The following ARHGAP28 variants were observed in gnomAD, a reference collection of about 807,000 sequenced individuals.
ARHGAP28 encodes Rho GTPase activating protein 28.
ARHGAP28 carries 56 observed loss-of-function variants against 90.7 expected under a neutral mutation model. That is an observed-to-expected ratio of 0.62 (90% CI 0.50 to 0.77). The LOEUF (loss-of-function observed/expected upper bound fraction) is 0.77. Among genes scored for constraint, ARHGAP28 ranks in the 30% least tolerant of loss-of-function variants. The pLI, the probability that ARHGAP28 is intolerant of heterozygous loss-of-function variation, is 0.00. For missense variants in ARHGAP28, 869 were observed against 900.9 expected (o/e 0.96, Z 0.45); for synonymous variants, 308 against 323.3 (o/e 0.95, Z 0.51).
In ARHGAP28 at chr18:6,780,977, A is replaced by G. The variant is rs184350370; in HGVS notation, c.123-43785A>G. ...GAATGTAATTTTCTTTATTTCTGGT[A>G]ATAAAATTTATATTCTAACTCTGAG... On this transcript the variant is annotated intron_variant, in intron 1 of 17. Transcript: ENST00000383472. Among the ~76,000 whole-genome samples, 124 of 152,254 alleles carry G rather than the reference A, an allele frequency of 8.1e-4. 1 individual carries two copies. Among genetic ancestry groups the G allele is most frequent in the African/African-American group, 2.8e-3 (118 of 41,544 alleles).
chr18:6,776,519 G>A (rs913604833), intron 1 of ARHGAP28, among the ~76,000 whole-genome samples: 19 of 152,058 alleles, frequency 1.2e-4, no homozygotes, highest in African/African-American at 4.4e-4. Context: ...TGCTGGTCTC[G>A]AGCTCAAGTG....
intron 1 of ARHGAP28, among the ~76,000 whole-genome samples, chr18:6,750,723 G>A (rs1236001734): frequency 4.6e-5 from 7 of 152,110 alleles, no homozygotes; most frequent in East Asian, 3.9e-4. Flanking sequence ...CAGTCCCATC[G>A]TGGAGGCCCA....
At chr18:6,758,954 A>T (rs1355168462) in intron 1 of ARHGAP28, among the ~76,000 whole-genome samples, 1 of 152,228 alleles carries the variant, frequency 6.6e-6, no homozygotes, top group African/African-American at 2.4e-5. Flanking sequence ...ACAGATTTTT[A>T]TTAATGAGCT....
chr18:6,869,890 A>G (rs2057069844), intron 6 of ARHGAP28, among the ~76,000 whole-genome samples: 4 of 152,188 alleles, frequency 2.6e-5, no homozygotes, highest in Admixed American at 2.6e-4. Context: ...GATCGCTCAA[A>G]TGATTTATGG....
At chr18:6,753,457 T>A (rs1457948707) in intron 1 of ARHGAP28, among the ~76,000 whole-genome samples, 1 of 152,232 alleles carries the variant, frequency 6.6e-6, no homozygotes, top group Admixed American at 6.5e-5. Flanking sequence ...TATCTGTGTG[T>A]GTGTGATTCA....
At chr18:6,841,433 A>AAG (rs1489067991) in intron 3 of ARHGAP28, among the ~76,000 whole-genome samples, 8 of 151,668 alleles carry the variant, frequency 5.3e-5, no homozygotes, top group Non-Finnish European at 1.2e-4. Context: ...GACCCAATAT[A>AAG]CTTATCTAGT....
chr18:6,899,803 C>T (rs1361640977), intron 16 of ARHGAP28, among the ~76,000 whole-genome samples: 3 of 152,074 alleles, frequency 2.0e-5, no homozygotes, highest in African/African-American at 7.2e-5. Flanking sequence ...ACCACATGAG[C>T]AAAACTGAAC....
intron 16 of ARHGAP28, among the ~76,000 whole-genome samples, chr18:6,903,178 C>T (rs895956669): frequency 2.6e-5 from 4 of 152,024 alleles, no homozygotes; most frequent in Non-Finnish European, 4.4e-5. Context: ...GTTTAATAGG[C>T]GTACAGTTTC....
intron 11 of ARHGAP28, among the ~76,000 whole-genome samples, chr18:6,884,396 T>A (rs1366382485): frequency 6.6e-6 from 1 of 152,100 alleles, no homozygotes; most frequent in Non-Finnish European, 1.5e-5. Flanking sequence ...AAAGTCCTTG[T>A]TGGCAGTTCT....
chr18:6,858,541 A>ATTTC (rs1468782047), intron 4 of ARHGAP28, among the ~76,000 whole-genome samples: 1 of 124,216 alleles, frequency 8.1e-6, no homozygotes, highest in African/African-American at 2.7e-5. Context: ...CTTGACTTAA[A>ATTTC]TTTCTTTCTT....
At chr18:6,872,360 G>A (rs1438135117) in intron 7 of ARHGAP28, among the ~76,000 whole-genome samples, 2 of 152,138 alleles carry the variant, frequency 1.3e-5, no homozygotes, top group Non-Finnish European at 2.9e-5. Context: ...AATAGCACAA[G>A]GCATGCCCCA....
intron 1 of ARHGAP28, chr18:6,791,421 TC>T (rs1352830428): frequency 6.6e-6 from 1 of 152,200 alleles, no homozygotes; most frequent in Non-Finnish European, 1.5e-5. Flanking sequence ...AATATTTGTA[TC>T]CTTCAATCCA....
rs1367723 is a variant in ARHGAP28 at position 6,818,627 on chromosome 18, A to G, written c.123-6135A>G. 5.4e-3 allele frequency among the ~76,000 whole-genome samples: 822 copies of G among 152,270 alleles called. 6 individuals carry two copies. The highest frequency in any genetic ancestry group is 0.019 in the African/African-American group (778 of 41,560). ...AATAACTGGAGGAATGCTACATTAG[A>G]GTGGCCTGGAAAGGGATCCCCCAAG... On this transcript the variant is annotated intron_variant, in intron 1 of 17. Coordinates refer to ENST00000383472, the MANE Select transcript of ARHGAP28 (RefSeq NM_001366230.1).
chr18:6,872,428 T>C (rs1370423053), intron 7 of ARHGAP28, among the ~76,000 whole-genome samples: 2 of 152,200 alleles, frequency 1.3e-5, no homozygotes, highest in African/African-American at 4.8e-5. Flanking sequence ...GGAGCAATTA[T>C]TGAATGAATA....
chr18:6,898,534 A>G (rs1030774615), intron 16 of ARHGAP28: 3 of 1,614,016 alleles, frequency 1.9e-6, no homozygotes, highest in African/African-American at 1.3e-5. Flanking sequence ...AGCCCCAAAC[A>G]TGTATTCCTC....
In ARHGAP28 at chr18:6,782,592, A is replaced by ATTTTTTTTTTTTTT. The variant is rs10602816; in HGVS notation, c.123-42146_123-42133dup. ...GCCATCACGCCCAGCTAATTTTTGT[A>ATTTTTTTTTTTTTT]TTTTTTTTTTTTTTTTTTTTTTTTT... On this transcript the variant is annotated intron_variant, in intron 1 of 17. Coordinates refer to ENST00000383472, the MANE Select transcript of ARHGAP28 (RefSeq NM_001366230.1). Among the ~76,000 whole-genome samples the ATTTTTTTTTTTTTT allele has an allele frequency of 1.5e-3, 39 of 26,692 alleles. 12 individuals are homozygous for ATTTTTTTTTTTTTT. The highest frequency in any genetic ancestry group is 2.6e-3 in the Non-Finnish European group (32 of 12,334). 17.5% of individuals were successfully genotyped at this position (26,692 alleles called of 152,430 possible).
At chr18:6,740,651 A>G (rs2055968687) in intron 1 of ARHGAP28, among the ~76,000 whole-genome samples, 1 of 152,196 alleles carries the variant, frequency 6.6e-6, no homozygotes, top group African/African-American at 2.4e-5. Context: ...TCATTATATG[A>G]TAAATGGTAG....
intron 1 of ARHGAP28, chr18:6,789,838 T>TG (rs1415566715): frequency 4.0e-5 from 6 of 151,892 alleles, no homozygotes; most frequent in African/African-American, 1.5e-4. Context: ...TTTTTTTGTT[T>TG]TTTTTTTGAG....
Position 6,843,453 on chromosome 18 carries a change from G to A in ARHGAP28, c.543+6039G>A, listed in dbSNP as rs188080801. ...TTCTGGATCAGCCTTTACTTTCTAC[G>A]CATTTTTCTCTTGTGCCTTTTTACA... On this transcript the variant is annotated intron_variant, in intron 3 of 17. Transcript: ENST00000383472. Among the ~76,000 whole-genome samples, 8 of 152,168 alleles carry A rather than the reference G, an allele frequency of 5.3e-5. No homozygotes were observed. In the East Asian group the frequency reaches 7.7e-4, roughly 15 times the overall value.
Sources: allele counts gnomAD v4.1 joint callset (sites outside exome capture counted in the v4.1 genomes callset), GRCh38; gene constraint gnomAD v4.1.1; transcripts MANE v1.5; gene names NCBI Gene and HGNC (gene_info 2026-07-23, HGNC 2026-07-21).